Variants in NIBAN2 observed in about 807,000 individuals in gnomAD.
NIBAN2 encodes the protein niban apoptosis regulator 2.
In NIBAN2, 36 loss-of-function variants were observed where a neutral mutation model predicts 81.8. The ratio of observed to expected loss-of-function variants is 0.44; its 90% CI spans 0.34 to 0.58. The LOEUF (loss-of-function observed/expected upper bound fraction) is 0.58, where lower values mean the gene tolerates loss of function less well. NIBAN2 is among the 20% of genes least tolerant of loss of function. NIBAN2 has a pLI of 0.02. For synonymous variants in NIBAN2, 445 were observed against 441.6 expected (o/e 1.01, Z -0.10); for missense variants, 897 against 1,014.1 (o/e 0.88, Z 1.57).
At chr9:127,522,783 C>A (rs1454622542) in intron 5 of NIBAN2, among the ~76,000 whole-genome samples, 2 of 151,998 alleles carry the variant, frequency 1.3e-5, no homozygotes, top group African/African-American at 4.8e-5. Context: ...GGGACTTCTC[C>A]TTCAGGTCTC....
chr9:127,510,583 C>T (rs1266914770), intron 8 of NIBAN2, among the ~76,000 whole-genome samples: 1 of 151,918 alleles, frequency 6.6e-6, no homozygotes, highest in African/African-American at 2.4e-5. Flanking sequence ...ACTACAGGCG[C>T]GTGCCACTGT....
chr9:127,512,030 C>T (rs1333272236), intron 8 of NIBAN2, among the ~76,000 whole-genome samples: 3 of 152,158 alleles, frequency 2.0e-5, no homozygotes, highest in Non-Finnish European at 4.4e-5. Flanking sequence ...CCCAGAATTA[C>T]GAAGCTAAAG....
intron 8 of NIBAN2, among the ~76,000 whole-genome samples, chr9:127,511,073 C>G (rs1289384629): frequency 6.6e-6 from 1 of 152,134 alleles, no homozygotes; most frequent in Non-Finnish European, 1.5e-5. Flanking sequence ...GAGACAGAGT[C>G]TCGTGCTGTC....
intron 5 of NIBAN2, among the ~76,000 whole-genome samples, chr9:127,519,399 CGAGCCAGGCAGCAGGCA>C (rs2132168180): frequency 6.6e-6 from 1 of 152,254 alleles, no homozygotes; most frequent in Non-Finnish European, 1.5e-5. Flanking sequence ...CAAACGCCAC[CGAGCCAGGCAGCAGGCA>C]GACTCCCCTG....
chr9:127,519,083 G>A (rs1339652165), intron 5 of NIBAN2, among the ~76,000 whole-genome samples: 1 of 149,322 alleles, frequency 6.7e-6, no homozygotes, highest in African/African-American at 2.5e-5. Context: ...ACTGAGGCAG[G>A]AGAATCGCTT....
At chr9:127,575,149 C>T (rs1395678012) in intron 1 of NIBAN2, among the ~76,000 whole-genome samples, 1 of 152,234 alleles carries the variant, frequency 6.6e-6, no homozygotes, top group Non-Finnish European at 1.5e-5. Context: ...CTTCCCCTCC[C>T]CATTCTCTAG....
intron 1 of NIBAN2, among the ~76,000 whole-genome samples, chr9:127,574,718 T>A (rs1422199571): frequency 6.6e-6 from 1 of 152,054 alleles, no homozygotes; most frequent in Non-Finnish European, 1.5e-5. Flanking sequence ...TGAATCAGGA[T>A]TTTGTTTTTA....
At chr9:127,530,348 C>T (rs1464592409) in intron 2 of NIBAN2, among the ~76,000 whole-genome samples, 1 of 152,254 alleles carries the variant, frequency 6.6e-6, no homozygotes, top group Non-Finnish European at 1.5e-5. Context: ...AGAAAGGGCC[C>T]TGGGCTGGTC....
At chr9:127,523,941 C>G in intron 4 of NIBAN2, 95 bp from the exon 5 acceptor site, 1 of 1,380,488 alleles carries the variant, frequency 7.2e-7, no homozygotes, top group African/African-American at 1.4e-5. Context: ...GCTCTGAGGT[C>G]AGGCTCAGGC....
At chr9:127,578,486 A>G (rs980425671) in intron 1 of NIBAN2, among the ~76,000 whole-genome samples, 21 of 151,434 alleles carry the variant, frequency 1.4e-4, no homozygotes, top group Non-Finnish European at 2.8e-4. Flanking sequence ...ACATCGTGAA[A>G]CCGTCTCTAC....
At position 127,536,899 on chromosome 9, in the gene NIBAN2, G is replaced by C. The variant is rs1837290353; in HGVS notation, c.56-5121C>G. Among the ~76,000 whole-genome samples, 1 of 152,228 alleles carries C rather than the reference G, an allele frequency of 6.6e-6. No homozygotes were observed. The highest frequency in any genetic ancestry group is 2.4e-5 in the African/African-American group (1 of 41,454). ...GCCCCCATCTACAGAGGCAGGGCTG[G>C]CCCGCAGGTCCTGGGCCCAGGAACT... is the stretch of plus-strand genomic sequence containing the variant. On this transcript the variant is annotated intron_variant, in intron 1 of 13. Coordinates refer to ENST00000373312, the MANE Select transcript of NIBAN2 (RefSeq NM_022833.4). This position sits in a 1 kb window ranked among gnomAD's most constrained non-coding sequence, Gnocchi z 4.0.
intron 1 of NIBAN2, among the ~76,000 whole-genome samples, chr9:127,547,410 G>A (rs1047096583): frequency 3.3e-5 from 5 of 152,026 alleles, no homozygotes; most frequent in Non-Finnish European, 2.9e-5. Flanking sequence ...CCAACTGCTC[G>A]GAAGGTTGAG....
chr9:127,534,571 G>T (rs563495536), intron 1 of NIBAN2, among the ~76,000 whole-genome samples: 1 of 152,218 alleles, frequency 6.6e-6, no homozygotes, highest in South Asian at 2.1e-4. Flanking sequence ...TGACCTTCCT[G>T]GGTGTCTGCC....
chr9:127,512,012 C>T (rs971163319), intron 8 of NIBAN2, among the ~76,000 whole-genome samples: 7 of 152,170 alleles, frequency 4.6e-5, no homozygotes, highest in African/African-American at 1.7e-4. Context: ...AGGAAAATAT[C>T]TTAGGCCCCC....
intron 2 of NIBAN2, among the ~76,000 whole-genome samples, chr9:127,528,841 T>C (rs1015601799): frequency 1.3e-5 from 2 of 152,088 alleles, no homozygotes; most frequent in Non-Finnish European, 2.9e-5. Flanking sequence ...AGGCCCCTAG[T>C]TTTCATCTTC....
At position 127,506,761 on chromosome 9, in the gene NIBAN2, C is replaced by T. The variant is rs1024813754; in HGVS notation, c.*84G>A. 80 of 1,323,936 alleles carry T rather than the reference C, an allele frequency of 6.0e-5. 1 individual carries two copies. The African/African-American group carries it at 1.1e-3, about 18-fold the overall frequency. 82.0% of individuals were successfully genotyped at this position (1,323,936 alleles called of 1,614,324 possible). On this transcript the variant is annotated 3_prime_UTR_variant, in exon 14 of 14. Transcript: ENST00000373312. Reference sequence around the variant, plus strand: ...CCGCCTCCACCCACAAGGCACAGACCAGGGTGCCCTCCCCAGAGCTGAGCC... The same window carrying T: ...CCGCCTCCACCCACAAGGCACAGACTAGGGTGCCCTCCCCAGAGCTGAGCC...
chr9:127,544,229 G>C (rs1329429276), intron 1 of NIBAN2, among the ~76,000 whole-genome samples: 4 of 152,196 alleles, frequency 2.6e-5, no homozygotes, highest in African/African-American at 9.7e-5. Context: ...GGCCTTGGGA[G>C]AGGAGGGTGG....
chr9:127,557,934 C>T (rs556490684), intron 1 of NIBAN2, among the ~76,000 whole-genome samples: 1 of 152,286 alleles, frequency 6.6e-6, no homozygotes, highest in African/African-American at 2.4e-5. Context: ...GGAGAGACGC[C>T]CCTTGACCAA....
intron 1 of NIBAN2, among the ~76,000 whole-genome samples, chr9:127,578,117 G>C (rs144646407): frequency 0.027 from 4,108 of 151,598 alleles, 149 homozygotes; most frequent in African/African-American, 0.078. Context: ...CTTGTATCTG[G>C]GAGGCGGAGG....
Sources: gnomAD v4.1 joint callset for allele counts (sites outside exome capture counted in the v4.1 genomes callset) on GRCh38, gnomAD v4.1.1 for gene constraint, Gnocchi (gnomAD v3.1) non-coding constraint, MANE v1.5 for transcripts, NCBI Gene and HGNC (gene_info 2026-07-23, HGNC 2026-07-21) for gene names.